CLVS2: variants seen among roughly 807,000 people sequenced by gnomAD.
CLVS2 encodes clavesin-2.
Under a neutral mutation model 29.0 loss-of-function variants are expected in CLVS2, and 19 were observed. The ratio of observed to expected loss-of-function variants is 0.66; its 90% confidence interval spans 0.46 to 0.96. CLVS2 has a LOEUF of 0.96. Ranked by LOEUF, CLVS2 falls within the 40% of genes least tolerant of loss-of-function variation. CLVS2 has a pLI of 0.00. For missense variants in CLVS2, 294 were observed against 404.1 expected (o/e 0.73, Z 2.34); for synonymous variants, 161 against 151.3 (o/e 1.06, Z -0.47).
intron 4 of CLVS2, among the ~76,000 whole-genome samples, chr6:123,054,169 T>C (rs1562174787): frequency 6.6e-6 from 1 of 152,178 alleles, no homozygotes; most frequent in Non-Finnish European, 1.5e-5. Flanking sequence ...AATGATCCCA[T>C]TTGATAAAAT....
rs532041306 is a variant in CLVS2 at position 123,070,547 on chromosome 6, C to T, written c.*6786C>T. On this transcript the variant is annotated 3_prime_UTR_variant, in exon 6 of 6. Coordinates refer to ENST00000275162, the MANE Select transcript of CLVS2 (RefSeq NM_001010852.4). ...CAAGAGTGAGTCTCTTAAAATGTAA[C>T]TCAGACCATTTTGTTCTCCAAACCC... The T allele has an allele frequency of 1.3e-5, 2 of 152,016 alleles. No individual in the cohort carries two copies. The highest frequency in any genetic ancestry group is 2.1e-4 in the South Asian group (1 of 4,822). The allele number at this position is 152,016 out of a possible 1,614,324, so 9.4% of individuals were successfully genotyped here. A position where few individuals can be genotyped will look rare whatever the true frequency, so the allele number is the denominator to read the frequency against.
At chr6:123,051,732 A>G (rs1772615048) in intron 4 of CLVS2, among the ~76,000 whole-genome samples, 1 of 152,188 alleles carries the variant, frequency 6.6e-6, no homozygotes, top group African/African-American at 2.4e-5. Context: ...AGCACAGTGT[A>G]GAAAAGTAAA....
chr6:123,032,788 G>C (rs911306121), intron 3 of CLVS2, among the ~76,000 whole-genome samples: 1 of 151,990 alleles, frequency 6.6e-6, no homozygotes, highest in African/African-American at 2.4e-5. Flanking sequence ...CTTTGGTAGG[G>C]TCCATGCTTA....
intron 2 of CLVS2, among the ~76,000 whole-genome samples, chr6:122,999,309 T>C (rs886961712): frequency 6.6e-6 from 1 of 152,194 alleles, no homozygotes; most frequent in Non-Finnish European, 1.5e-5. Flanking sequence ...TATCTTAGAA[T>C]GTAAATTAAT....
chr6:123,057,870 A>G (rs1772717368), intron 5 of CLVS2, among the ~76,000 whole-genome samples: 1 of 152,166 alleles, frequency 6.6e-6, no homozygotes, highest in Non-Finnish European at 1.5e-5. Context: ...TGCTCTCCTA[A>G]GGGGTTCATG....
intron 3 of CLVS2, among the ~76,000 whole-genome samples, chr6:123,026,992 T>C (rs370347613): frequency 1.3e-5 from 2 of 152,092 alleles, no homozygotes; most frequent in African/African-American, 4.8e-5. Context: ...TCTTGGGGTA[T>C]GTGGAGAGAT....
At chr6:123,027,196 A>G (rs1451678309) in intron 3 of CLVS2, among the ~76,000 whole-genome samples, 1 of 152,206 alleles carries the variant, frequency 6.6e-6, no homozygotes, top group Non-Finnish European at 1.5e-5. Flanking sequence ...TATTTTATGA[A>G]GAATGGAGAA....
chr6:123,009,268 C>T lies in CLVS2; in HGVS notation c.390-1717C>T, dbSNP rs771519926. Among the ~76,000 whole-genome samples the T allele has an allele frequency of 3.9e-5, 6 of 152,110 alleles. No homozygotes were observed. The East Asian group carries it at 5.8e-4, about 15-fold the overall frequency. On this transcript the variant is annotated intron_variant, in intron 2 of 5. Transcript: ENST00000275162. ...ACTGATCCTCAGAATTATAAATCAGCGACATATCCAGGACCATATGGCTAA... is the reference window on the plus strand; with the variant it reads ...ACTGATCCTCAGAATTATAAATCAGTGACATATCCAGGACCATATGGCTAA...
At chr6:123,000,815 C>G (rs1045196905) in intron 2 of CLVS2, among the ~76,000 whole-genome samples, 6 of 152,286 alleles carry the variant, frequency 3.9e-5, no homozygotes, top group African/African-American at 1.4e-4. Context: ...TGGCTTTCAA[C>G]AACTTTCTTA....
At chr6:123,016,275 A>G (rs1209228696) in intron 3 of CLVS2, among the ~76,000 whole-genome samples, 1 of 134,986 alleles carries the variant, frequency 7.4e-6, no homozygotes, top group African/African-American at 2.8e-5. Context: ...CTAAAACACA[A>G]ACTGTTTAGA....
chr6:123,061,564 A>G (rs1772778548), intron 5 of CLVS2, among the ~76,000 whole-genome samples: 1 of 152,236 alleles, frequency 6.6e-6, no homozygotes, highest in Non-Finnish European at 1.5e-5. Context: ...TGTTTCACAT[A>G]TGGAATCAGC....
Position 123,025,390 on chromosome 6 carries a change from G to C in CLVS2, c.564+14231G>C, listed in dbSNP as rs1304447946. On this transcript the variant is annotated intron_variant, in intron 3 of 5. Transcript: ENST00000275162. ...ATTGGTTGGGAAAAATGCATTGTAA[G>C]AAGGAAGTGCTTTGAGACCAGCAGC... 2.0e-5 allele frequency among the ~76,000 whole-genome samples: 3 copies of C among 152,284 alleles called. No individual in the cohort carries two copies. The East Asian group carries it at 5.8e-4, about 29-fold the overall frequency.
At chr6:123,060,792 C>G (rs1772764594) in intron 5 of CLVS2, among the ~76,000 whole-genome samples, 1 of 152,146 alleles carries the variant, frequency 6.6e-6, no homozygotes, top group African/African-American at 2.4e-5. Context: ...AGAACAAAAT[C>G]TTAGGAAGTT....
intron 3 of CLVS2, among the ~76,000 whole-genome samples, chr6:123,033,831 T>C (rs1003764297): frequency 6.6e-6 from 1 of 152,064 alleles, no homozygotes; most frequent in African/African-American, 2.4e-5. Context: ...AAAAGACTTT[T>C]ATCTAGGGTC....
At chr6:123,021,392 T>C (rs1227130834) in intron 3 of CLVS2, among the ~76,000 whole-genome samples, 1 of 152,042 alleles carries the variant, frequency 6.6e-6, no homozygotes, top group Non-Finnish European at 1.5e-5. Context: ...AGGGGATCTT[T>C]TTATGTGTCC....
chr6:123,037,029 A>T (rs753165998), intron 3 of CLVS2, among the ~76,000 whole-genome samples: 22 of 152,126 alleles, frequency 1.4e-4, no homozygotes, highest in Non-Finnish European at 2.6e-4. Context: ...TGGCACTTAA[A>T]AATGCCTTTA....
At chr6:123,011,666 G>A (rs1421284633) in intron 3 of CLVS2, among the ~76,000 whole-genome samples, 1 of 151,722 alleles carries the variant, frequency 6.6e-6, no homozygotes, top group Non-Finnish European at 1.5e-5. Context: ...GAGTGGGAGG[G>A]GCTGTCACAT....
At chr6:123,039,890 C>T (rs138539196) in intron 3 of CLVS2, among the ~76,000 whole-genome samples, 127 of 152,250 alleles carry the variant, frequency 8.3e-4, no homozygotes, top group African/African-American at 2.8e-3. Context: ...ATATTTTATA[C>T]AGTATTCTAC....
chr6:123,009,064 A>G (rs1191295835), intron 2 of CLVS2, among the ~76,000 whole-genome samples: 2 of 152,110 alleles, frequency 1.3e-5, no homozygotes, highest in African/African-American at 4.8e-5. Context: ...AACAAAAAGT[A>G]TGCTATGTGT....
Sources: allele counts gnomAD v4.1 joint callset (sites outside exome capture counted in the v4.1 genomes callset), GRCh38; gene constraint gnomAD v4.1.1; transcripts MANE v1.5; gene names NCBI Gene and HGNC (gene_info 2026-07-23, HGNC 2026-07-21).